The following NRG3 variants were observed in gnomAD, a reference collection of about 807,000 sequenced individuals.
NRG3 encodes the protein pro-neuregulin-3, membrane-bound isoform.
NRG3 carries 31 observed loss-of-function variants against 66.9 expected under a neutral mutation model. That is an observed-to-expected ratio of 0.46 (90% CI 0.35 to 0.63). NRG3 has a LOEUF of 0.63. Ranked by LOEUF, NRG3 falls within the 20% of genes least tolerant of loss-of-function variation. The probability of loss-of-function intolerance (pLI) is 0.00; values close to 1 mark genes in which losing one functional copy is unlikely to be tolerated. For synonymous variants in NRG3, 393 were observed against 359.4 expected (o/e 1.09, Z -1.06); for missense variants, 910 against 878.9 (o/e 1.04, Z -0.45).
At chr10:82,338,033 A>T (rs2082480767) in intron 1 of NRG3, among the ~76,000 whole-genome samples, 1 of 152,214 alleles carries the variant, frequency 6.6e-6, no homozygotes, top group African/African-American at 2.4e-5. Flanking sequence ...ATGTGCATCG[A>T]TATGAAGATG....
At chr10:82,656,950 C>T (rs1225674387) in intron 2 of NRG3, among the ~76,000 whole-genome samples, 1 of 152,110 alleles carries the variant, frequency 6.6e-6, no homozygotes, top group Non-Finnish European at 1.5e-5. Flanking sequence ...TCTGGCTCTC[C>T]TCCCCTCATC....
intron 1 of NRG3, among the ~76,000 whole-genome samples, chr10:82,163,398 G>C (rs541702525): frequency 9.2e-5 from 14 of 152,008 alleles, no homozygotes; most frequent in African/African-American, 3.1e-4. Flanking sequence ...TATAAAATTT[G>C]GATAATGGTG....
intron 2 of NRG3, among the ~76,000 whole-genome samples, chr10:82,566,634 G>C (rs1204208304): frequency 6.6e-6 from 1 of 151,888 alleles, no homozygotes; most frequent in South Asian, 2.1e-4. Context: ...ATCCCAAAAT[G>C]CTCTGACGAA....
intron 8 of NRG3, among the ~76,000 whole-genome samples, chr10:82,980,344 A>T (rs1264383342): frequency 6.6e-6 from 1 of 152,180 alleles, no homozygotes; most frequent in Non-Finnish European, 1.5e-5. Flanking sequence ...ACTGGTATTT[A>T]TTGTCACAGT....
At chr10:82,984,825 G>T in intron 8 of NRG3, 1 of 1,547,316 alleles carries the variant, frequency 6.5e-7, no homozygotes, top group Non-Finnish European at 8.8e-7. Flanking sequence ...CTATACAGCT[G>T]TGGTGTGTTG....
At chr10:82,363,213 A>C (rs894193437) in intron 2 of NRG3, among the ~76,000 whole-genome samples, 1 of 152,170 alleles carries the variant, frequency 6.6e-6, no homozygotes, top group Non-Finnish European at 1.5e-5. Context: ...AATCTATCTA[A>C]AAAGAAATAC....
chr10:82,969,265 T>G (rs956208013), intron 6 of NRG3, among the ~76,000 whole-genome samples: 1 of 152,192 alleles, frequency 6.6e-6, no homozygotes, highest in African/African-American at 2.4e-5. Flanking sequence ...ACCAGTTTAT[T>G]AGATAAAAAA....
intron 1 of NRG3, among the ~76,000 whole-genome samples, chr10:82,295,049 C>G (rs192071518): frequency 6.6e-6 from 1 of 150,496 alleles, no homozygotes; most frequent in African/African-American, 2.5e-5. Flanking sequence ...GGATGAGATT[C>G]ATGTGCTATT....
chr10:82,672,155 T>A (rs1247372353), intron 2 of NRG3, among the ~76,000 whole-genome samples: 1 of 152,190 alleles, frequency 6.6e-6, no homozygotes, highest in Non-Finnish European at 1.5e-5. Context: ...AAGACTAAGC[T>A]GAGCCAGAAA....
chr10:82,068,662 C>G (rs2064629151), intron 1 of NRG3, among the ~76,000 whole-genome samples: 1 of 152,038 alleles, frequency 6.6e-6, no homozygotes, highest in Non-Finnish European at 1.5e-5. Context: ...AAATGAATTG[C>G]TTAGATGAAA....
At chr10:82,638,206 C>T (rs2050326849) in intron 2 of NRG3, among the ~76,000 whole-genome samples, 1 of 152,144 alleles carries the variant, frequency 6.6e-6, no homozygotes, top group African/African-American at 2.4e-5. Context: ...GCTCTTGGTA[C>T]AGAGCCTGCT....
intron 4 of NRG3, among the ~76,000 whole-genome samples, chr10:82,947,543 T>C (rs1379900849): frequency 6.6e-6 from 1 of 152,148 alleles, no homozygotes; most frequent in Non-Finnish European, 1.5e-5. Flanking sequence ...ATTTTACCTT[T>C]CCATCAGAAG....
At position 82,985,286 on chromosome 10, in the gene NRG3, G is replaced by T. The variant is rs1267394666; in HGVS notation, c.1772G>T (p.Gly591Val). ...GLEETCLQMP[G>V]ISEVKSIKWC... ...GAGGAAACCTGCCTGCAAATGCCAG[G>T]GATTTCTGAAGTCAAAAGCATCAAA... The change falls in exon 9 of 9, where the codon GGG (glycine) becomes GTG (valine). Residue 591 changes from glycine (G) to valine (V), a missense_variant. Gly to Val is a moderately radical substitution (Grantham distance 109). Transcript: ENST00000372141. 1 of 1,614,074 alleles carries T rather than the reference G, an allele frequency of 6.2e-7. No individual in the cohort carries two copies. The highest frequency in any genetic ancestry group is 8.5e-7 in the Non-Finnish European group (1 of 1,179,990).
intron 6 of NRG3, among the ~76,000 whole-genome samples, chr10:82,962,066 T>C (rs1850701875): frequency 1.3e-5 from 2 of 152,204 alleles, no homozygotes; most frequent in Admixed American, 1.3e-4. Context: ...TTTATAGTCA[T>C]CTAACAAGAT....
chr10:81,963,718 G>T (rs1269811613), intron 1 of NRG3, among the ~76,000 whole-genome samples: 3 of 152,140 alleles, frequency 2.0e-5, no homozygotes, highest in Non-Finnish European at 4.4e-5. Context: ...AGTGCTAAGG[G>T]TTGCTCTGTC....
chr10:82,749,789 G>GAAAAAAAAA, intron 3 of NRG3, among the ~76,000 whole-genome samples: 1 of 119,208 alleles, frequency 8.4e-6, no homozygotes, highest in Non-Finnish European at 1.8e-5. Context: ...AGGAAGCACT[G>GAAAAAAAAA]AAAAAAAAAA....
intron 2 of NRG3, among the ~76,000 whole-genome samples, chr10:82,611,990 G>A (rs1206927825): frequency 6.6e-6 from 1 of 152,116 alleles, no homozygotes; most frequent in Admixed American, 6.6e-5. Context: ...TCTCATTGTG[G>A]TTTTGATTTG....
intron 2 of NRG3, among the ~76,000 whole-genome samples, chr10:82,612,749 A>G (rs910481257): frequency 1.3e-5 from 2 of 152,106 alleles, no homozygotes; most frequent in Non-Finnish European, 2.9e-5. Context: ...ACACTGTCAT[A>G]TTTTTGTAAT....
At chr10:81,939,870 T>C (rs1210707549) in intron 1 of NRG3, among the ~76,000 whole-genome samples, 2 of 152,112 alleles carry the variant, frequency 1.3e-5, no homozygotes, top group African/African-American at 4.8e-5. Flanking sequence ...AGTCATGTTG[T>C]TGATTTGATT....
Sources: allele counts gnomAD v4.1 joint callset (sites outside exome capture counted in the v4.1 genomes callset), GRCh38; gene constraint gnomAD v4.1.1; transcripts MANE v1.5; gene names NCBI Gene and HGNC (gene_info 2026-07-23, HGNC 2026-07-21).